EXOC4: variants seen among roughly 807,000 people sequenced by gnomAD.
EXOC4 encodes the protein exocyst complex component 4.
A neutral mutation model predicts 107.2 loss-of-function variants in EXOC4; 71 were observed. That is an observed-to-expected ratio of 0.66 (90% CI 0.55 to 0.81). The LOEUF (loss-of-function observed/expected upper bound fraction) is 0.81, where lower values mean the gene tolerates loss of function less well. Among genes scored for constraint, EXOC4 ranks in the 30% least tolerant of loss-of-function variants. EXOC4 has a pLI of 0.00. For missense variants in EXOC4, 1,108 were observed against 1,189.6 expected (o/e 0.93, Z 1.01); for synonymous variants, 456 against 441.2 (o/e 1.03, Z -0.42).
intron 7 of EXOC4, among the ~76,000 whole-genome samples, chr7:133,394,317 C>T (rs1012346156): frequency 6.6e-6 from 1 of 152,086 alleles, no homozygotes; most frequent in African/African-American, 2.4e-5. Context: ...TTTTCTTACT[C>T]GTATTTAAAA....
chr7:133,805,307 T>C (rs1362599245), intron 10 of EXOC4, among the ~76,000 whole-genome samples: 1 of 151,980 alleles, frequency 6.6e-6, no homozygotes, highest in African/African-American at 2.4e-5. Context: ...ATTTAGAAAA[T>C]GCAAGGGAAC....
At chr7:133,624,403 T>C (rs1184823417) in intron 9 of EXOC4, among the ~76,000 whole-genome samples, 2 of 152,058 alleles carry the variant, frequency 1.3e-5, no homozygotes, top group African/African-American at 2.4e-5. Flanking sequence ...GGGCAACATA[T>C]TGAGACCCTG....
chr7:133,263,473 C>T (rs1372781197), intron 1 of EXOC4, among the ~76,000 whole-genome samples: 1 of 150,048 alleles, frequency 6.7e-6, no homozygotes. Flanking sequence ...CCTCTGCCTC[C>T]CAAGCTCAAG....
intron 9 of EXOC4, among the ~76,000 whole-genome samples, chr7:133,494,347 G>A (rs1415477247): frequency 6.6e-6 from 1 of 151,986 alleles, no homozygotes; most frequent in Non-Finnish European, 1.5e-5. Flanking sequence ...GAAAAAAAAA[G>A]GTTACAGCTG....
chr7:133,809,389 G>A (rs1190095523), intron 10 of EXOC4, among the ~76,000 whole-genome samples: 3 of 152,158 alleles, frequency 2.0e-5, no homozygotes, highest in South Asian at 2.1e-4. Context: ...CAAAGCTTCC[G>A]CAGACCTGTA....
At chr7:133,323,474 G>A (rs187875598) in intron 5 of EXOC4, among the ~76,000 whole-genome samples, 11 of 152,192 alleles carry the variant, frequency 7.2e-5, no homozygotes, top group African/African-American at 2.6e-4. Flanking sequence ...ATACTCATGT[G>A]GTTTTTGTCT....
intron 10 of EXOC4, among the ~76,000 whole-genome samples, chr7:133,765,974 G>A (rs967115501): frequency 6.6e-6 from 1 of 151,932 alleles, no homozygotes; most frequent in African/African-American, 2.4e-5. Flanking sequence ...TAGAGATAGA[G>A]CTCCATAAAA....
chr7:133,552,839 T>C (rs905885845), intron 9 of EXOC4, among the ~76,000 whole-genome samples: 2 of 152,186 alleles, frequency 1.3e-5, no homozygotes, highest in African/African-American at 4.8e-5. Flanking sequence ...CATTAAGGTG[T>C]ATTTTACCCA....
chr7:133,887,382 T>C (rs1356912713), intron 11 of EXOC4, among the ~76,000 whole-genome samples: 1 of 152,138 alleles, frequency 6.6e-6, no homozygotes, highest in African/African-American at 2.4e-5. Context: ...TATAAACAAC[T>C]GAGGGAAGGG....
At chr7:133,819,154 G>A (rs1346833204) in intron 11 of EXOC4, among the ~76,000 whole-genome samples, 1 of 151,960 alleles carries the variant, frequency 6.6e-6, no homozygotes, top group Non-Finnish European at 1.5e-5. Flanking sequence ...CTTGATTTCA[G>A]CTTTCTGCTG....
At position 133,917,683 on chromosome 7, in the gene EXOC4, A is replaced by G. The variant is rs1189342960; in HGVS notation, c.1972A>G (p.Met658Val). ...LLKSLPNWMN[M>V]AQPKQLRPKR... ...GAAATCTCTACCAAACTGGATGAAT[A>G]TGGCTCAACCCAAACAGCTGAGGCC... The change falls in exon 13 of 18, where the codon ATG becomes GTG. Residue 658 changes from methionine (M) to valine (V), a missense_variant. By Grantham distance (21) the Met-to-Val change is conservative. Transcript: ENST00000253861. The G allele has an allele frequency of 1.2e-6, 2 of 1,614,028 alleles. No individual in the cohort carries two copies. Among genetic ancestry groups the G allele is most frequent in the Admixed American group, 1.7e-5 (1 of 60,004 alleles).
intron 17 of EXOC4, among the ~76,000 whole-genome samples, chr7:134,051,972 C>T (rs1328839596): frequency 1.3e-5 from 2 of 148,386 alleles, no homozygotes; most frequent in East Asian, 2.0e-4. Context: ...GGCAATAGAG[C>T]ACGACTCCAT....
At chr7:133,952,122 C>T (rs1011055013) in intron 14 of EXOC4, among the ~76,000 whole-genome samples, 8 of 151,616 alleles carry the variant, frequency 5.3e-5, no homozygotes, top group Non-Finnish European at 1.2e-4. Context: ...TGCCATTGCA[C>T]TCCAGCCCGA....
intron 9 of EXOC4, among the ~76,000 whole-genome samples, chr7:133,606,514 ATTATTTTTTTTT>A (rs545972221): frequency 0.025 from 3,528 of 142,904 alleles, 140 homozygotes; most frequent in African/African-American, 0.088. Context: ...TATTATTATT[ATTATTTTTTTTT>A]TTTTTTGAGG....
At chr7:133,335,855 A>AT (rs1207031286) in intron 5 of EXOC4, among the ~76,000 whole-genome samples, 4 of 151,700 alleles carry the variant, frequency 2.6e-5, no homozygotes, top group Non-Finnish European at 4.4e-5. Flanking sequence ...CATTTTCTGT[A>AT]TTTTTTTTCT....
intron 9 of EXOC4, among the ~76,000 whole-genome samples, chr7:133,582,539 C>T (rs1222955716): frequency 1.3e-5 from 2 of 151,792 alleles, no homozygotes; most frequent in East Asian, 1.9e-4. Context: ...ATAAAATTTA[C>T]CTAATGACAT....
chr7:133,371,404 C>T (rs1000676950), intron 6 of EXOC4, among the ~76,000 whole-genome samples: 1 of 152,134 alleles, frequency 6.6e-6, no homozygotes, highest in Admixed American at 6.6e-5. Flanking sequence ...AGTTCCCACC[C>T]ACCCCCAGCC....
At chr7:134,010,801 C>T (rs1419222666) in intron 17 of EXOC4, among the ~76,000 whole-genome samples, 1 of 152,198 alleles carries the variant, frequency 6.6e-6, no homozygotes, top group Non-Finnish European at 1.5e-5. Context: ...TCTCAGCCTT[C>T]CTGGCCAGTG....
chr7:133,408,266 C>T (rs564239233), intron 7 of EXOC4, among the ~76,000 whole-genome samples: 14 of 125,208 alleles, frequency 1.1e-4, no homozygotes, highest in Admixed American at 5.8e-4. Context: ...GACTGGTGAT[C>T]GTGGGGGTCA....
Sources: allele counts gnomAD v4.1 joint callset (sites outside exome capture counted in the v4.1 genomes callset), GRCh38; gene constraint gnomAD v4.1.1; transcripts MANE v1.5; gene names NCBI Gene and HGNC (gene_info 2026-07-23, HGNC 2026-07-21).